Variants in UNC5C observed in about 807,000 individuals in gnomAD.
The protein encoded by UNC5C is netrin receptor UNC5C.
UNC5C carries 47 observed loss-of-function variants against 99.8 expected under a neutral mutation model. The observed-to-expected ratio is 0.47, with a 90% CI of 0.37 to 0.60. UNC5C has a LOEUF of 0.60. Among genes scored for constraint, UNC5C ranks in the 20% least tolerant of loss-of-function variants. UNC5C has a pLI of 0.00. For missense variants in UNC5C, 1,062 were observed against 1,165.9 expected, an observed-to-expected ratio of 0.91 and a Z score of 1.30; for synonymous variants, 487 against 452.2, an observed-to-expected ratio of 1.08 and a Z score of -0.98.
chr4:95,248,291 A>G (rs1739573373), intron 5 of UNC5C: 1 of 259,702 alleles, frequency 3.9e-6, no homozygotes, highest in African/African-American at 2.3e-5. Flanking sequence ...TTTACTTAAT[A>G]TAACTTTTAC....
At chr4:95,353,922 T>C (rs1190718646) in intron 1 of UNC5C, among the ~76,000 whole-genome samples, 2 of 152,152 alleles carry the variant, frequency 1.3e-5, no homozygotes, top group African/African-American at 4.8e-5. Flanking sequence ...AGTGAAATGA[T>C]TTGTTAATAA....
At chr4:95,487,525 TAATTC>T (rs1179622453) in intron 1 of UNC5C, among the ~76,000 whole-genome samples, 1 of 151,712 alleles carries the variant, frequency 6.6e-6, no homozygotes, top group Non-Finnish European at 1.5e-5. Flanking sequence ...GCTTTTTGCC[TAATTC>T]ATTTTATTTA....
chr4:95,269,547 C>G (rs1399783701), intron 4 of UNC5C, among the ~76,000 whole-genome samples: 1 of 151,942 alleles, frequency 6.6e-6, no homozygotes, highest in Admixed American at 6.5e-5. Flanking sequence ...CTTGGCCTCC[C>G]AAACTGCTGA....
intron 1 of UNC5C, among the ~76,000 whole-genome samples, chr4:95,354,479 A>ATATATATATATTTTTTTTTTT: frequency 9.1e-6 from 1 of 110,352 alleles, no homozygotes; most frequent in African/African-American, 4.0e-5. Flanking sequence ...ATATATATAT[A>ATATATATATATTTTTTTTTTT]TTTTTTTTTT....
chr4:95,526,358 AT>A (rs1189263973), intron 1 of UNC5C, among the ~76,000 whole-genome samples: 7 of 152,194 alleles, frequency 4.6e-5, no homozygotes, highest in African/African-American at 1.7e-4. Flanking sequence ...AATGCACCCA[AT>A]CTTTCATGCA....
chr4:95,217,501 C>T (rs568247588), intron 9 of UNC5C, among the ~76,000 whole-genome samples: 1 of 152,232 alleles, frequency 6.6e-6, no homozygotes, highest in South Asian at 2.1e-4. Flanking sequence ...TAAAACATAC[C>T]TTAATCTTTG....
intron 1 of UNC5C, among the ~76,000 whole-genome samples, chr4:95,489,051 C>T (rs1578191366): frequency 8.4e-6 from 1 of 119,530 alleles, no homozygotes; most frequent in African/African-American, 3.3e-5. Context: ...CAAAAGAAGA[C>T]AGGACTAAAG....
chr4:95,200,301 C>T (rs1297731278), intron 12 of UNC5C, among the ~76,000 whole-genome samples: 1 of 152,232 alleles, frequency 6.6e-6, no homozygotes, highest in Non-Finnish European at 1.5e-5. Context: ...AATCTGGCTG[C>T]TTATCCTTCT....
intron 14 of UNC5C, among the ~76,000 whole-genome samples, chr4:95,180,039 C>G (rs1317420149): frequency 6.6e-6 from 1 of 151,984 alleles, no homozygotes; most frequent in Non-Finnish European, 1.5e-5. Flanking sequence ...AAAGTTGACT[C>G]AAAAGCCCTG....
At chr4:95,507,644 C>T (rs1276455569) in intron 1 of UNC5C, among the ~76,000 whole-genome samples, 1 of 152,000 alleles carries the variant, frequency 6.6e-6, no homozygotes, top group African/African-American at 2.4e-5. Flanking sequence ...CCCCTGATCA[C>T]AACCATCATG....
At chr4:95,491,001 G>A (rs1421718996) in intron 1 of UNC5C, among the ~76,000 whole-genome samples, 1 of 151,572 alleles carries the variant, frequency 6.6e-6, no homozygotes, top group African/African-American at 2.4e-5. Context: ...CCTTGCACAT[G>A]GAACAGAGTA....
intron 1 of UNC5C, among the ~76,000 whole-genome samples, chr4:95,378,135 C>T (rs1744953478): frequency 6.6e-6 from 1 of 152,054 alleles, no homozygotes; most frequent in African/African-American, 2.4e-5. Context: ...AGAGAGTATC[C>T]TTTCATGGAC....
intron 1 of UNC5C, among the ~76,000 whole-genome samples, chr4:95,546,721 G>A (rs1037622650): frequency 6.6e-6 from 1 of 152,106 alleles, no homozygotes; most frequent in Non-Finnish European, 1.5e-5. Context: ...TCTATCCTAA[G>A]CATCTTTTCT....
At chr4:95,246,506 G>C (rs887935071) in intron 5 of UNC5C, among the ~76,000 whole-genome samples, 9 of 152,060 alleles carry the variant, frequency 5.9e-5, no homozygotes, top group Non-Finnish European at 7.4e-5. Context: ...GCTGCAGTGA[G>C]CTATGATCAC....
chr4:95,222,336 G>T, intron 7 of UNC5C: 1 of 798,704 alleles, frequency 1.3e-6, no homozygotes, highest in Non-Finnish European at 1.8e-6. Flanking sequence ...AAAATAGGAA[G>T]CATGAAAAAT....
intron 2 of UNC5C, among the ~76,000 whole-genome samples, chr4:95,327,460 G>A (rs1188929224): frequency 1.3e-5 from 2 of 151,922 alleles, no homozygotes; most frequent in African/African-American, 2.4e-5. Flanking sequence ...CAGACTCTGA[G>A]CTGTCAACTG....
chr4:95,170,478 G>T, intron 14 of UNC5C, 146 bp from the exon 15 acceptor site: 1 of 1,013,610 alleles, frequency 9.9e-7, no homozygotes, highest in East Asian at 2.6e-5. Context: ...CTTCTTCTTA[G>T]CCTGAAAGTT....
intron 1 of UNC5C, among the ~76,000 whole-genome samples, chr4:95,377,104 A>G (rs1248665285): frequency 6.6e-6 from 1 of 152,208 alleles, no homozygotes; most frequent in African/African-American, 2.4e-5. Flanking sequence ...TTTGGAATGT[A>G]ATAGCACTGA....
chr4:95,468,569 T>C (rs1245861590), intron 1 of UNC5C, among the ~76,000 whole-genome samples: 1 of 152,222 alleles, frequency 6.6e-6, no homozygotes, highest in Non-Finnish European at 1.5e-5. Context: ...AGGAATTTAC[T>C]GTTTGAGGCT....
Sources: allele counts gnomAD v4.1 joint callset (sites outside exome capture counted in the v4.1 genomes callset), GRCh38; gene constraint gnomAD v4.1.1; transcripts MANE v1.5; gene names NCBI Gene and HGNC (gene_info 2026-07-23, HGNC 2026-07-21).